The following KIAA1217 variants were observed in gnomAD, a reference collection of about 807,000 sequenced individuals.
KIAA1217 encodes sickle tail protein homolog.
In KIAA1217, 88 loss-of-function variants were observed where a neutral mutation model predicts 163.9. The ratio of observed to expected loss-of-function variants is 0.54; its 90% CI spans 0.45 to 0.64. The LOEUF (loss-of-function observed/expected upper bound fraction) is 0.64. Ranked by LOEUF, KIAA1217 falls within the 30% of genes least tolerant of loss-of-function variation. The probability of loss-of-function intolerance (pLI) is 0.00; values close to 1 mark genes in which losing one functional copy is unlikely to be tolerated. For synonymous variants in KIAA1217, 903 were observed against 923.1 expected, an observed-to-expected ratio of 0.98 and a Z score of 0.39; for missense variants, 2,372 against 2,475.0, an observed-to-expected ratio of 0.96 and a Z score of 0.88.
At chr10:24,156,440 G>T (rs1354618964) in intron 2 of KIAA1217, among the ~76,000 whole-genome samples, 1 of 152,144 alleles carries the variant, frequency 6.6e-6, no homozygotes, top group East Asian at 1.9e-4. Flanking sequence ...TTCACATAGA[G>T]TTTCTATATA....
At chr10:24,520,084 C>T (rs554925789) in intron 10 of KIAA1217, 39 bp from the exon 11 acceptor site, 1 of 1,588,282 alleles carries the variant, frequency 6.3e-7, no homozygotes, top group Non-Finnish European at 8.6e-7. Flanking sequence ...TGTGAGGCCT[C>T]GTGTTCAGCT....
chr10:23,919,091 C>G (rs1842746454), intron 1 of KIAA1217, among the ~76,000 whole-genome samples: 1 of 152,180 alleles, frequency 6.6e-6, no homozygotes, highest in African/African-American at 2.4e-5. Context: ...CATCTCCCAA[C>G]CTCCAGCCCC....
At chr10:23,772,258 A>C (rs1834832041) in intron 1 of KIAA1217, among the ~76,000 whole-genome samples, 1 of 152,178 alleles carries the variant, frequency 6.6e-6, no homozygotes, top group African/African-American at 2.4e-5. Context: ...TGGTTAGTAC[A>C]ACATGAATTA....
In KIAA1217 at chr10:23,869,761, T is replaced by A. The variant is rs115788828; in HGVS notation, c.-320-137464T>A. Among the ~76,000 whole-genome samples the A allele has an allele frequency of 4.4e-3, 676 of 152,210 alleles. 6 individuals are homozygous for A. The highest frequency in any genetic ancestry group is 0.016 in the African/African-American group (655 of 41,548). ...TACCACGGCCGCCAAGAATTCCACATGATTGATTTCATTATTTGTGAGCCT... is the reference window on the plus strand; with the variant it reads ...TACCACGGCCGCCAAGAATTCCACAAGATTGATTTCATTATTTGTGAGCCT... On this transcript the variant is annotated intron_variant, in intron 1 of 18. Coordinates refer to the KIAA1217 transcript ENST00000376462.
intron 1 of KIAA1217, among the ~76,000 whole-genome samples, chr10:23,959,165 G>A (rs1466724130): frequency 6.6e-6 from 1 of 151,992 alleles, no homozygotes; most frequent in African/African-American, 2.4e-5. Flanking sequence ...GGGGGCTGTA[G>A]GTCAACACAG....
chr10:23,773,445 G>A (rs1369424151), intron 1 of KIAA1217, among the ~76,000 whole-genome samples: 3 of 151,416 alleles, frequency 2.0e-5, no homozygotes, highest in Non-Finnish European at 4.4e-5. Context: ...TGGCGATGTG[G>A]GCTCTTTTTT....
At position 24,159,614 on chromosome 10, in the gene KIAA1217, A is replaced by G. The variant is rs879403942; in HGVS notation, c.-170-60012A>G. 5.7e-4 allele frequency among the ~76,000 whole-genome samples: 86 copies of G among 150,398 alleles called. 1 individual carries two copies. Among genetic ancestry groups the G allele is most frequent in the Non-Finnish European group, 8.2e-4 (55 of 67,434 alleles). ...CTAACACGGTGAAACCCCGTCTCAAAAAAAAAAAATGCAAAAAAATTAGCT... is the reference window on the plus strand; with the variant it reads ...CTAACACGGTGAAACCCCGTCTCAAGAAAAAAAAATGCAAAAAAATTAGCT... On this transcript the variant is annotated intron_variant, in intron 2 of 18. Transcript: ENST00000376462.
intron 2 of KIAA1217, among the ~76,000 whole-genome samples, chr10:24,096,474 T>C (rs1334841500): frequency 6.6e-6 from 1 of 152,178 alleles, no homozygotes; most frequent in Non-Finnish European, 1.5e-5. Flanking sequence ...TGAAACACAA[T>C]AAATTGTTGC....
intron 1 of KIAA1217, among the ~76,000 whole-genome samples, chr10:23,862,854 T>A (rs1840018968): frequency 6.6e-6 from 1 of 152,168 alleles, no homozygotes; most frequent in Non-Finnish European, 1.5e-5. Context: ...TCTTCTTGCC[T>A]TGATGCTACA....
In KIAA1217 at chr10:24,248,557, G is replaced by T. The variant is rs566132731; in HGVS notation, c.354+28648G>T. ...ATGGTGGCGGGTGCCTGTAATCCCA[G>T]CTACTAGGGGGGCTGAGACAGGAGA... On this transcript the variant is annotated intron_variant, in intron 2 of 20. Coordinates refer to ENST00000376454, the MANE Select transcript of KIAA1217 (RefSeq NM_019590.5). Among the ~76,000 whole-genome samples, 15 of 150,546 alleles carry T rather than the reference G, an allele frequency of 1.0e-4. No homozygotes were observed. The East Asian group carries it at 2.6e-3, about 26-fold the overall frequency.
intron 2 of KIAA1217, among the ~76,000 whole-genome samples, chr10:24,128,452 T>C (rs2131800398): frequency 6.6e-6 from 1 of 152,352 alleles, no homozygotes; most frequent in Middle Eastern, 3.4e-3. Context: ...TTTAAATCCT[T>C]ATCAGTTGGA....
intron 1 of KIAA1217, among the ~76,000 whole-genome samples, chr10:23,931,710 G>A (rs562268444): frequency 6.6e-6 from 1 of 152,106 alleles, no homozygotes; most frequent in Admixed American, 6.5e-5. Flanking sequence ...CATGGGTGGG[G>A]TTAGTTTCAT....
rs369273076 is a variant in KIAA1217 at position 23,770,837 on chromosome 10, G to A, written c.-321+75603G>A. 8.5e-5 allele frequency among the ~76,000 whole-genome samples: 13 copies of A among 152,172 alleles called. 1 individual carries two copies. The highest frequency in any genetic ancestry group is 2.0e-4 in the Admixed American group (3 of 15,270). ...CAATGTTATGGAACTCAATGAAATG[G>A]GGGAGTCTGATGAAATTAAGGATTA... On this transcript the variant is annotated intron_variant, in intron 1 of 18. Coordinates refer to the KIAA1217 transcript ENST00000376462.
chr10:23,833,005 C>T (rs138848694), intron 1 of KIAA1217, among the ~76,000 whole-genome samples: 3 of 152,012 alleles, frequency 2.0e-5, no homozygotes, highest in Admixed American at 6.6e-5. Context: ...ACCTCCCACC[C>T]GGTCCCTCCC....
Position 23,895,003 on chromosome 10 carries a change from A to C in KIAA1217, c.-320-112222A>C, listed in dbSNP as rs533968175. Among the ~76,000 whole-genome samples the C allele has an allele frequency of 7.1e-4, 108 of 152,332 alleles. No individual in the cohort carries two copies. The South Asian group carries it at 0.012, about 17-fold the overall frequency. Reference sequence around the variant, plus strand: ...ACAAAAATTAATTCAAGATTGATTAAAGACTTAAACGTTGGACCTAAAACC... The same window carrying C: ...ACAAAAATTAATTCAAGATTGATTACAGACTTAAACGTTGGACCTAAAACC... On this transcript the variant is annotated intron_variant, in intron 1 of 18. Transcript: ENST00000376462.
chr10:24,119,944 C>T (rs755688616), intron 2 of KIAA1217, among the ~76,000 whole-genome samples: 16 of 152,250 alleles, frequency 1.1e-4, no homozygotes, highest in Admixed American at 7.2e-4. Flanking sequence ...AGCATGTCTG[C>T]AGGAGAAAGA....
intron 2 of KIAA1217, among the ~76,000 whole-genome samples, chr10:24,314,457 T>G (rs1590878203): frequency 6.6e-6 from 1 of 152,214 alleles, no homozygotes; most frequent in African/African-American, 2.4e-5. Flanking sequence ...GGTATTCATG[T>G]GTGTATGCAT....
At chr10:24,348,502 T>G (rs2048075539) in intron 2 of KIAA1217, among the ~76,000 whole-genome samples, 1 of 152,198 alleles carries the variant, frequency 6.6e-6, no homozygotes, top group Non-Finnish European at 1.5e-5. Flanking sequence ...AATCCTAATA[T>G]GTAATCCATT....
intron 2 of KIAA1217, among the ~76,000 whole-genome samples, chr10:24,228,001 A>C (rs1269606650): frequency 6.6e-6 from 1 of 152,146 alleles, no homozygotes; most frequent in Non-Finnish European, 1.5e-5. Flanking sequence ...TCTGGAGACC[A>C]GGAGAGCTGG....
Sources: allele counts gnomAD v4.1 joint callset (sites outside exome capture counted in the v4.1 genomes callset), GRCh38; gene constraint gnomAD v4.1.1; transcripts MANE v1.5; gene names NCBI Gene and HGNC (gene_info 2026-07-23, HGNC 2026-07-21).